The following SIL1 variants were observed in gnomAD, a reference collection of about 807,000 sequenced individuals.
SIL1 encodes the protein nucleotide exchange factor SIL1.
A neutral mutation model predicts 49.1 loss-of-function variants in SIL1; 40 were observed. The ratio of observed to expected loss-of-function variants is 0.81; its 90% confidence interval spans 0.63 to 1.06. SIL1 has a LOEUF of 1.06. SIL1 is among the 50% of genes least tolerant of loss of function. The probability of loss-of-function intolerance (pLI) is 0.00; values close to 1 mark genes in which losing one functional copy is unlikely to be tolerated. For missense variants in SIL1, 500 were observed against 572.6 expected, an observed-to-expected ratio of 0.87 and a Z score of 1.29; for synonymous variants, 253 against 250.8, an observed-to-expected ratio of 1.01 and a Z score of -0.08.
intron 1 of SIL1, among the ~76,000 whole-genome samples, chr5:139,173,561 AAAAT>A (rs1471783124): frequency 6.6e-6 from 1 of 151,608 alleles, no homozygotes; most frequent in African/African-American, 2.4e-5. Flanking sequence ...AAAATAAACA[AAAAT>A]AAATAAATAA....
At chr5:139,005,324 C>T (rs1181788946) in intron 7 of SIL1, among the ~76,000 whole-genome samples, 2 of 151,582 alleles carry the variant, frequency 1.3e-5, no homozygotes, top group African/African-American at 4.8e-5. Flanking sequence ...CTTTTGATAG[C>T]CTATTGTTTT....
chr5:139,106,753 G>A (rs373350791), intron 3 of SIL1, among the ~76,000 whole-genome samples: 3 of 152,272 alleles, frequency 2.0e-5, no homozygotes, highest in South Asian at 2.1e-4. Flanking sequence ...TGACAGGGAT[G>A]GCCACATCAG....
rs193038229 is a variant in SIL1, at chr5:139,090,248, G to T, written c.244+30787C>A. 4.6e-5 allele frequency among the ~76,000 whole-genome samples: 7 copies of T among 152,218 alleles called. No homozygotes were observed. In the East Asian group the frequency reaches 1.4e-3, roughly 29 times the overall value. On this transcript the variant is annotated intron_variant, in intron 3 of 9. Transcript: ENST00000394817. The stretch of plus-strand genomic sequence containing the variant: ...GTAAGTATTCTGCCCTGACTTCCTT[G>T]AGACTGAATACCTGATGAGTTCCTG...
intron 3 of SIL1, among the ~76,000 whole-genome samples, chr5:139,109,752 G>A (rs1269221486): frequency 6.8e-6 from 1 of 146,908 alleles, no homozygotes; most frequent in Non-Finnish European, 1.5e-5. Context: ...TGCTAGACTG[G>A]AATTCCTGGG....
intron 3 of SIL1, among the ~76,000 whole-genome samples, chr5:139,113,500 A>G (rs1770923674): frequency 6.7e-6 from 1 of 149,086 alleles, no homozygotes; most frequent in African/African-American, 2.5e-5. Flanking sequence ...ATATACTCTC[A>G]CTTCAGGTCT....
intron 4 of SIL1, among the ~76,000 whole-genome samples, chr5:139,046,006 T>C (rs1157325815): frequency 2.6e-5 from 4 of 152,180 alleles, no homozygotes; most frequent in Admixed American, 1.3e-4. Flanking sequence ...TCCAGACACA[T>C]AGTAACTAAA....
rs191615500 is a variant in SIL1, at chr5:139,055,933, G to A, written c.245-4887C>T. 1.1e-3 allele frequency among the ~76,000 whole-genome samples: 172 copies of A among 152,118 alleles called. 3 individuals carry two copies. The East Asian group carries it at 0.029, about 25-fold the overall frequency. ...AGTGATCCGCCAGCCTCGACCTCCCGAAGTGCCGGGATTGCAGACAGAGTC... is the reference window on the plus strand; with the variant it reads ...AGTGATCCGCCAGCCTCGACCTCCCAAAGTGCCGGGATTGCAGACAGAGTC... On this transcript the variant is annotated intron_variant, in intron 3 of 9. Transcript: ENST00000394817.
intron 1 of SIL1, among the ~76,000 whole-genome samples, chr5:139,182,937 C>T (rs1424974276): frequency 6.6e-6 from 1 of 152,220 alleles, no homozygotes; most frequent in Non-Finnish European, 1.5e-5. Context: ...CTAATCTCTC[C>T]TACAGAGGAG....
intron 1 of SIL1, among the ~76,000 whole-genome samples, chr5:139,157,028 T>C (rs1751419961): frequency 6.6e-6 from 1 of 152,186 alleles, no homozygotes. Flanking sequence ...GTCCACTATC[T>C]GATGGGTGAC....
At chr5:139,114,302 C>T (rs1770939743) in intron 3 of SIL1, among the ~76,000 whole-genome samples, 1 of 152,198 alleles carries the variant, frequency 6.6e-6, no homozygotes, top group Admixed American at 6.5e-5. Flanking sequence ...AGTGATCAGC[C>T]ATCCTGAGAG....
intron 5 of SIL1, among the ~76,000 whole-genome samples, chr5:139,028,769 G>A (rs1009602158): frequency 6.6e-6 from 1 of 152,144 alleles, no homozygotes; most frequent in Non-Finnish European, 1.5e-5. Context: ...TCACTTACAT[G>A]TATGTGTGTA....
In SIL1 at chr5:139,026,985, T is replaced by A; in HGVS notation, c.461A>T (p.Gln154Leu). 6.2e-7 allele frequency: 1 copy of A among 1,614,196 alleles called. No individual in the cohort carries two copies. Among genetic ancestry groups the A allele is most frequent in the South Asian group, 1.1e-5 (1 of 91,078 alleles). The part of the protein sequence containing the change: ...MESSKEDKAR[Q>L]AEVKRLFRPI... ...GCGGAAGAGCCGCTTTACCTCAGCC[T>A]GCCTTGCCTAAGGAGAGCAGCAAAG... Residue 154 changes from glutamine (Q) to leucine (L), a missense_variant, in exon 6 of 10, where the codon CAG becomes CTG. Coordinates refer to ENST00000394817, the MANE Select transcript of SIL1 (RefSeq NM_022464.5).
At chr5:139,046,110 C>T (rs1283656074) in intron 4 of SIL1, among the ~76,000 whole-genome samples, 1 of 152,170 alleles carries the variant, frequency 6.6e-6, no homozygotes, top group South Asian at 2.1e-4. Context: ...GGGCAGATCA[C>T]GAGGTCAGAA....
intron 5 of SIL1, among the ~76,000 whole-genome samples, chr5:139,032,704 T>C (rs975764835): frequency 6.6e-6 from 1 of 152,234 alleles, no homozygotes; most frequent in South Asian, 2.1e-4. Flanking sequence ...ACTTCCTTTA[T>C]AGAAGGTTTT....
At chr5:139,151,009 A>G (rs1253156388) in intron 1 of SIL1, among the ~76,000 whole-genome samples, 2 of 152,204 alleles carry the variant, frequency 1.3e-5, no homozygotes, top group African/African-American at 4.8e-5. Flanking sequence ...AGCAGGTAGA[A>G]GGCAGCAATT....
At chr5:139,033,923 T>C (rs1768847216) in intron 5 of SIL1, among the ~76,000 whole-genome samples, 2 of 152,234 alleles carry the variant, frequency 1.3e-5, no homozygotes, top group South Asian at 4.1e-4. Flanking sequence ...GATGTTGAAA[T>C]CCCCAACTGT....
At position 139,052,287 on chromosome 5, in the gene SIL1, C is replaced by T. The variant is rs1769308281; in HGVS notation, c.245-1241G>A. Among the ~76,000 whole-genome samples the T allele has an allele frequency of 3.3e-5, 5 of 152,322 alleles. No homozygotes were observed. The South Asian group carries it at 1.0e-3, about 32-fold the overall frequency. On this transcript the variant is annotated intron_variant, in intron 3 of 9. Coordinates refer to ENST00000394817, the MANE Select transcript of SIL1 (RefSeq NM_022464.5). ...ACCATGCTGTTGCTGTTCCTGCCGT[C>T]CCACTTCAGTAGGGAGTTTCTGTAT...
At chr5:139,077,788 C>T (rs1483533099) in intron 3 of SIL1, among the ~76,000 whole-genome samples, 1 of 150,244 alleles carries the variant, frequency 6.7e-6, no homozygotes, top group African/African-American at 2.5e-5. Flanking sequence ...TCCTACTAAT[C>T]AAATCTCATT....
At chr5:139,181,240 G>A (rs1751976788) in intron 1 of SIL1, among the ~76,000 whole-genome samples, 1 of 152,090 alleles carries the variant, frequency 6.6e-6, no homozygotes, top group African/African-American at 2.4e-5. Flanking sequence ...CCCAGCCCGA[G>A]CAGCAGTGGG....
Sources: gnomAD v4.1 joint callset for allele counts (sites outside exome capture counted in the v4.1 genomes callset) on GRCh38, gnomAD v4.1.1 for gene constraint, MANE v1.5 for transcripts, NCBI Gene and HGNC (gene_info 2026-07-23, HGNC 2026-07-21) for gene names.